POLR2D: variants seen among roughly 807,000 people sequenced by gnomAD.
The protein encoded by POLR2D is RNA polymerase II subunit D.
POLR2D carries 10 observed loss-of-function variants against 17.6 expected under a neutral mutation model. The observed-to-expected ratio is 0.57, with a 90% CI of 0.35 to 0.96. The LOEUF (loss-of-function observed/expected upper bound fraction) is 0.96. POLR2D is among the 40% of genes least tolerant of loss of function. The pLI, the probability that POLR2D is intolerant of heterozygous loss-of-function variation, is 0.02. For missense variants in POLR2D, 126 were observed against 176.4 expected (o/e 0.71, Z 1.62); for synonymous variants, 52 against 60.2 (o/e 0.86, Z 0.63).
intron 1 of POLR2D, chr2:127,857,743 AC>A (rs1690362228): frequency 2.6e-6 from 3 of 1,134,526 alleles, no homozygotes; most frequent in Non-Finnish European, 3.3e-6. Flanking sequence ...ACAGTATATT[AC>A]TGTTTAAAAA....
Position 127,848,042 on chromosome 2 carries a change from G to C in POLR2D, c.*65C>G, listed in dbSNP as rs1690183410. ...AGAATTTCTGTGCAAGTCAGCCCCAGACAGTGGGAAGGTGGTGTTATGCCT... is the reference window on the plus strand; with the variant it reads ...AGAATTTCTGTGCAAGTCAGCCCCACACAGTGGGAAGGTGGTGTTATGCCT... On this transcript the variant is annotated 3_prime_UTR_variant, in exon 4 of 4. Transcript: ENST00000272645. 1.9e-6 allele frequency: 2 copies of C among 1,077,582 alleles called. No homozygotes were observed. The highest frequency in any genetic ancestry group is 1.7e-5 in the Admixed American group (1 of 58,956). The allele number at this position is 1,077,582 out of a possible 1,614,324, so 66.8% of individuals were successfully genotyped here. A position where few individuals can be genotyped will look rare whatever the true frequency, so the allele number is the denominator to read the frequency against.
Position 127,854,110 on chromosome 2 carries a change from T to C in POLR2D, c.74-1005A>G, listed in dbSNP as rs1439070149. On this transcript the variant is annotated intron_variant, in intron 1 of 3. Coordinates refer to ENST00000272645, the MANE Select transcript of POLR2D (RefSeq NM_004805.4). Reference sequence around the variant, plus strand: ...CAAGTGTCTGGAAATAAATATAATGTACCCCAAAATCTATTTTTGTGCACA... The same window carrying C: ...CAAGTGTCTGGAAATAAATATAATGCACCCCAAAATCTATTTTTGTGCACA... 3.3e-5 allele frequency among the ~76,000 whole-genome samples: 5 copies of C among 152,340 alleles called. No homozygotes were observed. The East Asian group carries it at 5.8e-4, about 18-fold the overall frequency.
intron 3 of POLR2D, 48 bp from the exon 4 acceptor site, chr2:127,848,233 C>G: frequency 8.1e-7 from 1 of 1,231,912 alleles, no homozygotes; most frequent in Non-Finnish European, 1.2e-6. Flanking sequence ...TGGCAATTTC[C>G]CCGCACTCTT....
In POLR2D at chr2:127,848,175, G is replaced by A. The variant is rs1246900545; in HGVS notation, c.361C>T (p.Arg121Trp). 2 of 1,609,456 alleles carry A rather than the reference G, an allele frequency of 1.2e-6. No individual in the cohort carries two copies. Among genetic ancestry groups the A allele is most frequent in the Non-Finnish European group, 1.7e-6 (2 of 1,176,558 alleles). ...SKALIPSLEG[R>W]FEDEELQQIL... ...TGCTGCAGCTCCTCATCTTCAAACC[G>A]TCCCTCCAAGCTACAAGAAAATGAA... The change falls in exon 4 of 4, where the codon CGG becomes TGG. Residue 121 changes from arginine (R) to tryptophan (W), a missense_variant. Physicochemically the swap from Arg to Trp is moderately radical, Grantham distance 101. Around this residue, in one of 2 missense-constraint regions of POLR2D, gnomAD observed 85 missense variants for 151.4 expected, o/e 0.56. Transcript: ENST00000272645.
chr2:127,847,461 T>C lies in POLR2D; in HGVS notation c.*646A>G, dbSNP rs1419513028. 2 of 153,196 alleles carry C rather than the reference T, an allele frequency of 1.3e-5. No homozygotes were observed. Among genetic ancestry groups the C allele is most frequent in the African/African-American group, 2.4e-5 (1 of 41,384 alleles). 9.5% of individuals were successfully genotyped at this position (153,196 alleles called of 1,614,324 possible). ...GAGTTTAAGACCAGTCTGGACAGCA[T>C]AGTAAAACCCCACCTCTATAAAAAA... On this transcript the variant is annotated 3_prime_UTR_variant, in exon 4 of 4. Transcript: ENST00000272645.
chr2:127,857,505 T>C (rs1690357872), intron 1 of POLR2D, among the ~76,000 whole-genome samples: 1 of 152,234 alleles, frequency 6.6e-6, no homozygotes, highest in Admixed American at 6.5e-5. Context: ...TCTCTGCCTC[T>C]GTGGGAGGGT....
rs370364492 is a variant in POLR2D at position 127,858,018 on chromosome 2, C to A, written c.73+10G>T. The A allele has an allele frequency of 1.2e-4, 196 of 1,577,586 alleles. No individual in the cohort carries two copies. Among genetic ancestry groups the A allele is most frequent in the Non-Finnish European group, 2.6e-6 (3 of 1,164,650 alleles). ...GTGGCGCGGGGGAGTCTGGCAGCCC[C>A]GAGCCCAACCTTTAGGAAAGATGAG... On this transcript the variant is annotated intron_variant, in intron 1 of 3. Coordinates refer to ENST00000272645, the MANE Select transcript of POLR2D (RefSeq NM_004805.4).
intron 3 of POLR2D, 74 bp downstream of exon 3, chr2:127,850,516 A>G (rs1690235908): frequency 3.1e-6 from 2 of 647,846 alleles, no homozygotes; most frequent in Non-Finnish European, 5.5e-6. Context: ...TAACGCATAC[A>G]CATTTTAGAC....
chr2:127,855,542 A>G (rs987796996), intron 1 of POLR2D, among the ~76,000 whole-genome samples: 2 of 152,160 alleles, frequency 1.3e-5, no homozygotes. Context: ...CCCAAGTACT[A>G]CTAATACATT....
chr2:127,856,290 C>CAAAAAAAA lies in POLR2D; in HGVS notation c.73+1730_73+1737dup, dbSNP rs61249327. On this transcript the variant is annotated intron_variant, in intron 1 of 3. Coordinates refer to ENST00000272645, the MANE Select transcript of POLR2D (RefSeq NM_004805.4). ...TAGGTAGCAGAATGAGATCCCGTCT[C>CAAAAAAAA]AAAAAAAAAAAAAAAAAAAGGCAGG... is the stretch of plus-strand genomic sequence containing the variant. Among the ~76,000 whole-genome samples the CAAAAAAAA allele has an allele frequency of 0.011, 270 of 25,394 alleles. 65 individuals carry two copies. In the East Asian group the frequency reaches 0.19, roughly 18 times the overall value. The allele number at this position is 25,394 out of a possible 152,430, so 16.7% of individuals were successfully genotyped here. A position where few individuals can be genotyped will look rare whatever the true frequency, so the allele number is the denominator to read the frequency against.
intron 3 of POLR2D, 56 bp from the exon 4 acceptor site, chr2:127,848,241 C>A (rs1043796565): frequency 8.9e-7 from 1 of 1,122,668 alleles, no homozygotes; most frequent in Non-Finnish European, 1.3e-6. Context: ...TCCCCGCACT[C>A]TTCTTTGAGG....
At position 127,848,064 on chromosome 2, in the gene POLR2D, G is replaced by A. The variant is rs750190934; in HGVS notation, c.*43C>T. 16 of 1,277,446 alleles carry A rather than the reference G, an allele frequency of 1.3e-5. 1 individual carries two copies. In the South Asian group the frequency reaches 1.9e-4, roughly 15 times the overall value. 79.1% of individuals were successfully genotyped at this position (1,277,446 alleles called of 1,614,324 possible). A position where few individuals can be genotyped will look rare whatever the true frequency, so the allele number is the denominator to read the frequency against. ...CCAGACAGTGGGAAGGTGGTGTTAT[G>A]CCTGGGGATGTGGTTTCTCCGAGCA... On this transcript the variant is annotated 3_prime_UTR_variant, in exon 4 of 4. Coordinates refer to ENST00000272645, the MANE Select transcript of POLR2D (RefSeq NM_004805.4).
intron 2 of POLR2D, among the ~76,000 whole-genome samples, chr2:127,851,637 A>G (rs1690254390): frequency 6.6e-6 from 1 of 152,190 alleles, no homozygotes; most frequent in African/African-American, 2.4e-5. Flanking sequence ...TGTTCCTAAT[A>G]CATAGAAATG....
intron 1 of POLR2D, among the ~76,000 whole-genome samples, chr2:127,855,795 G>A (rs949952754): frequency 1.5e-5 from 2 of 133,742 alleles, no homozygotes; most frequent in South Asian, 4.6e-4. Flanking sequence ...GCGCACACGC[G>A]CGCACATACA....
chr2:127,856,455 TGGCA>T (rs1300669539), intron 1 of POLR2D, among the ~76,000 whole-genome samples: 3 of 151,432 alleles, frequency 2.0e-5, no homozygotes, highest in Non-Finnish European at 4.4e-5. Context: ...CTGGGCATGG[TGGCA>T]GGCGCCTGTA....
intron 3 of POLR2D, among the ~76,000 whole-genome samples, chr2:127,848,867 C>T (rs763681851): frequency 4.0e-5 from 6 of 151,800 alleles, no homozygotes; most frequent in East Asian, 1.9e-4. Flanking sequence ...TCACCACTGG[C>T]GAGGCTGGTC....
At chr2:127,854,251 G>A (rs1690295025) in intron 1 of POLR2D, among the ~76,000 whole-genome samples, 1 of 152,150 alleles carries the variant, frequency 6.6e-6, no homozygotes, top group Non-Finnish European at 1.5e-5. Context: ...GTTAAAAAAT[G>A]CTGTTACCCT....
At chr2:127,848,822 C>T (rs759891833) in intron 3 of POLR2D, among the ~76,000 whole-genome samples, 1 of 151,372 alleles carries the variant, frequency 6.6e-6, no homozygotes, top group Non-Finnish European at 1.5e-5. Context: ...AGCCCTCACC[C>T]AGCTAATTTT....
Position 127,851,919 on chromosome 2 carries a change from T to C in POLR2D, c.254+1006A>G, listed in dbSNP as rs1053452988. On this transcript the variant is annotated intron_variant, in intron 2 of 3. Coordinates refer to ENST00000272645, the MANE Select transcript of POLR2D (RefSeq NM_004805.4). The stretch of plus-strand genomic sequence containing the variant: ...AATTCTCCTTTCTCAGGCTCCCAAG[T>C]AGCTGGGACTACAGGCATGCGCTAC... Among the ~76,000 whole-genome samples the C allele has an allele frequency of 6.6e-5, 10 of 152,330 alleles. No individual in the cohort carries two copies. In the East Asian group the frequency reaches 1.7e-3, roughly 26 times the overall value.
Sources: gnomAD v4.1 joint callset for allele counts (sites outside exome capture counted in the v4.1 genomes callset) on GRCh38, gnomAD v4.1.1 for gene constraint, gnomAD v4.1.1 regional missense constraint, MANE v1.5 for transcripts, NCBI Gene and HGNC (gene_info 2026-07-23, HGNC 2026-07-21) for gene names.